The following HECW2 variants were observed in gnomAD, a reference collection of about 807,000 sequenced individuals.
HECW2 encodes E3 ubiquitin-protein ligase HECW2.
HECW2 carries 61 observed loss-of-function variants against 175.2 expected under a neutral mutation model. The observed-to-expected ratio is 0.35, with a 90% CI of 0.28 to 0.43. HECW2 has a LOEUF of 0.43. Ranked by LOEUF, HECW2 falls within the 20% of genes least tolerant of loss-of-function variation. HECW2 has a pLI of 1.00. For missense variants in HECW2, 1,524 were observed against 2,000.5 expected, an observed-to-expected ratio of 0.76 and a Z score of 4.54; for synonymous variants, 671 against 731.0, an observed-to-expected ratio of 0.92 and a Z score of 1.32.
At chr2:196,343,612 T>C (rs372871920) in intron 3 of HECW2, 45 bp downstream of exon 3, 17 of 1,228,882 alleles carry the variant, frequency 1.4e-5, no homozygotes, top group South Asian at 8.6e-5. Context: ...TGCATACTTA[T>C]GCAATGTTCA....
At chr2:196,368,721 AT>A (rs2105898306) in intron 2 of HECW2, among the ~76,000 whole-genome samples, 2 of 151,804 alleles carry the variant, frequency 1.3e-5, no homozygotes, top group East Asian at 1.9e-4. Flanking sequence ...CTTCAAGATA[AT>A]TTTTTCTTCT....
intron 21 of HECW2, chr2:196,239,676 G>C (rs1228230429): frequency 6.6e-6 from 1 of 152,128 alleles, no homozygotes; most frequent in Admixed American, 6.5e-5. Flanking sequence ...CAGCTGCTGA[G>C]TTATGAAGAA....
Position 196,325,009 on chromosome 2 carries a change from T to TA in HECW2, c.711dup (p.Asn238Ter). 2 of 1,592,946 alleles carry TA rather than the reference T, an allele frequency of 1.3e-6. No homozygotes were observed. Among genetic ancestry groups the TA allele is most frequent in the Non-Finnish European group, 1.7e-6 (2 of 1,173,230 alleles). On this transcript the variant is annotated frameshift_variant, in exon 6 of 29. Coordinates refer to ENST00000644978, the MANE Select transcript of HECW2 (RefSeq NM_001348768.2). LOFTEE classifies it high-confidence loss of function. ...CGGTGCCAAATTGGATTGGTGGTGT[T>TA]ACTGATGATAGTAGACCGTCTCTCC...
intron 2 of HECW2, among the ~76,000 whole-genome samples, chr2:196,394,221 A>G (rs965775766): frequency 2.0e-5 from 3 of 152,204 alleles, no homozygotes; most frequent in Non-Finnish European, 4.4e-5. Flanking sequence ...TAATGGGTGC[A>G]GCACACCAAC....
At chr2:196,494,248 T>G (rs945577888) in intron 1 of HECW2, among the ~76,000 whole-genome samples, 1 of 152,174 alleles carries the variant, frequency 6.6e-6, no homozygotes, top group African/African-American at 2.4e-5. Context: ...GCAACATGTA[T>G]GTCAAGCTGA....
Position 196,271,208 on chromosome 2 carries a change from C to T in HECW2, c.3320G>A (p.Arg1107Lys). Residue 1107 changes from arginine (R) to lysine (K), a missense_variant, in exon 17 of 29, where the codon AGG becomes AAG. This residue lies in a region of HECW2 where 291 missense variants were observed against 412.2 expected (regional missense o/e 0.71). Transcript: ENST00000644978. Reference sequence around the variant, plus strand: ...TTATTGTTACCTGAGTGAGTGATTCCTGGTAAGATCAGGTTGACGCTCCTG... The same window carrying T: ...TTATTGTTACCTGAGTGAGTGATTCTTGGTAAGATCAGGTTGACGCTCCTG... Reference protein sequence around the residue: ...ILQERQPDLTRNHSLREKIQF... With the variant: ...ILQERQPDLTKNHSLREKIQF... 2.5e-6 allele frequency: 4 copies of T among 1,599,772 alleles called. No homozygotes were observed. The highest frequency in any genetic ancestry group is 3.4e-6 in the Non-Finnish European group (4 of 1,167,164).
intron 14 of HECW2, among the ~76,000 whole-genome samples, chr2:196,287,804 T>A (rs1302239624): frequency 6.6e-6 from 1 of 152,140 alleles, no homozygotes; most frequent in Non-Finnish European, 1.5e-5. Flanking sequence ...TTGGGTGTTT[T>A]CCCCACCCCA....
At position 196,387,705 on chromosome 2, in the gene HECW2, T is replaced by G. The variant is rs555186298; in HGVS notation, c.293-43941A>C. On this transcript the variant is annotated intron_variant, in intron 2 of 28. Transcript: ENST00000644978. ...CTACATATCTATATATAGAGAGAGA[T>G]ATATATATCTCCAGGGATCAGAATC... is the stretch of plus-strand genomic sequence containing the variant. 2.0e-4 allele frequency among the ~76,000 whole-genome samples: 31 copies of G among 152,180 alleles called. No individual in the cohort carries two copies. The South Asian group carries it at 2.1e-3, about 10-fold the overall frequency.
At chr2:196,521,282 CAAAAAA>C (rs1158051512) in intron 1 of HECW2, among the ~76,000 whole-genome samples, 17 of 53,692 alleles carry the variant, frequency 3.2e-4, no homozygotes, top group East Asian at 7.5e-4. Context: ...ACGTGAGTAA[CAAAAAA>C]AAAAAAAAAA....
chr2:196,535,404 A>G (rs1269282526), intron 1 of HECW2, among the ~76,000 whole-genome samples: 2 of 152,236 alleles, frequency 1.3e-5, no homozygotes. Context: ...ATGTAATACC[A>G]TACCACATCA....
intron 14 of HECW2, among the ~76,000 whole-genome samples, chr2:196,286,305 C>A (rs1267924128): frequency 6.6e-6 from 1 of 151,214 alleles, no homozygotes; most frequent in Non-Finnish European, 1.5e-5. Context: ...ATCCAAATTA[C>A]CACATTTTAG....
chr2:196,513,794 T>C (rs556142320), intron 1 of HECW2, among the ~76,000 whole-genome samples: 1 of 152,358 alleles, frequency 6.6e-6, no homozygotes, highest in Non-Finnish European at 1.5e-5. Flanking sequence ...GAGGGGTCCA[T>C]GGACCAATGC....
intron 28 of HECW2, among the ~76,000 whole-genome samples, chr2:196,209,649 G>A (rs1347922015): frequency 1.3e-5 from 2 of 152,220 alleles, no homozygotes; most frequent in African/African-American, 4.8e-5. Flanking sequence ...TCAGCAGGCG[G>A]TAGGGAATTA....
At chr2:196,491,948 G>T (rs1687212624) in intron 1 of HECW2, among the ~76,000 whole-genome samples, 1 of 152,008 alleles carries the variant, frequency 6.6e-6, no homozygotes, top group South Asian at 2.1e-4. Flanking sequence ...CATTTAAAGT[G>T]AATATAATAG....
At chr2:196,284,817 T>C (rs1260846156) in intron 14 of HECW2, among the ~76,000 whole-genome samples, 3 of 152,172 alleles carry the variant, frequency 2.0e-5, no homozygotes, top group Non-Finnish European at 4.4e-5. Flanking sequence ...TATTAATAAA[T>C]GCTGTCTAGA....
rs77312194 is a variant in HECW2 at position 196,568,525 on chromosome 2, C to T, written c.-36+24983G>A. 8.4e-3 allele frequency among the ~76,000 whole-genome samples: 1,286 copies of T among 152,244 alleles called. 21 individuals carry two copies. The highest frequency in any genetic ancestry group is 0.028 in the African/African-American group (1,182 of 41,526). ...CCATGGGTTTATCAGGACATAACCC[C>T]ATAATAAATCCAGAAGCATCTGGAC... is the stretch of plus-strand genomic sequence containing the variant. On this transcript the variant is annotated intron_variant, in intron 1 of 28. Coordinates refer to ENST00000644978, the MANE Select transcript of HECW2 (RefSeq NM_001348768.2).
chr2:196,527,126 C>T (rs1260124273), intron 1 of HECW2, among the ~76,000 whole-genome samples: 1 of 152,184 alleles, frequency 6.6e-6, no homozygotes, highest in African/African-American at 2.4e-5. Context: ...TAGCAATCAG[C>T]GAGACTCCGT....
intron 17 of HECW2, chr2:196,263,112 A>G (rs1425731882): frequency 6.6e-6 from 1 of 152,106 alleles, no homozygotes; most frequent in African/African-American, 2.4e-5. Context: ...AATCCACTGG[A>G]GAGAAATGCA....
At chr2:196,551,346 G>C (rs78870012) in intron 1 of HECW2, among the ~76,000 whole-genome samples, 1,915 of 152,264 alleles carry the variant, frequency 0.013, 40 homozygotes, top group African/African-American at 0.044. Flanking sequence ...AAAAGAAATA[G>C]TAAGTAAATA....
Sources: allele counts gnomAD v4.1 joint callset (sites outside exome capture counted in the v4.1 genomes callset), GRCh38; gene constraint gnomAD v4.1.1; regional missense constraint gnomAD v4.1.1; transcripts MANE v1.5; gene names NCBI Gene and HGNC (gene_info 2026-07-23, HGNC 2026-07-21).